SLC7A11: variants seen among roughly 807,000 people sequenced by gnomAD.
The protein encoded by SLC7A11 is cystine/glutamate transporter.
Under a neutral mutation model 54.5 loss-of-function variants are expected in SLC7A11, and 35 were observed. That is an observed-to-expected ratio of 0.64 (90% CI 0.49 to 0.85). The LOEUF (loss-of-function observed/expected upper bound fraction) is 0.85, where lower values mean the gene tolerates loss of function less well. Among genes scored for constraint, SLC7A11 ranks in the 40% least tolerant of loss-of-function variants. SLC7A11 has a pLI of 0.00. For missense variants in SLC7A11, 583 were observed against 618.1 expected (o/e 0.94, Z 0.60); for synonymous variants, 230 against 225.2 (o/e 1.02, Z -0.19).
chr4:138,188,354 C>A (rs1051634140), intron 6 of SLC7A11, among the ~76,000 whole-genome samples: 1 of 152,130 alleles, frequency 6.6e-6, no homozygotes, highest in African/African-American at 2.4e-5. Flanking sequence ...TGAGCCACGA[C>A]GCCCAGCTGA....
In SLC7A11 at chr4:138,183,197, C is replaced by T. The variant is rs1305326368; in HGVS notation, c.1019+5G>A. On this transcript the variant is annotated splice_donor_5th_base_variant and intron_variant, in intron 8 of 11. Coordinates refer to ENST00000280612, the MANE Select transcript of SLC7A11 (RefSeq NM_014331.4). ...GTGTTTCTGGAAATACATGAACTCACTCACCTGGAGACAGCAAACACACCA... is the reference window on the plus strand; with the variant it reads ...GTGTTTCTGGAAATACATGAACTCATTCACCTGGAGACAGCAAACACACCA... 1 of 1,592,920 alleles carries T rather than the reference C, an allele frequency of 6.3e-7. No individual in the cohort carries two copies. Among genetic ancestry groups the T allele is most frequent in the Non-Finnish European group, 8.6e-7 (1 of 1,162,024 alleles).
chr4:138,237,268 T>G (rs55989140), intron 1 of SLC7A11, among the ~76,000 whole-genome samples: 21,556 of 151,996 alleles, frequency 0.14, 1,996 homozygotes, highest in East Asian at 0.42. Flanking sequence ...ATTACAGGTG[T>G]GAGCCACTGT....
At chr4:138,232,487 T>C (rs1738104142) in intron 2 of SLC7A11, 105 bp from the exon 3 acceptor site, 2 of 656,230 alleles carry the variant, frequency 3.0e-6, no homozygotes, top group African/African-American at 1.8e-5. Flanking sequence ...ATGTTAAATA[T>C]GAAAGTCCAT....
chr4:138,195,857 C>T (rs551658666), intron 6 of SLC7A11, among the ~76,000 whole-genome samples: 8 of 152,112 alleles, frequency 5.3e-5, no homozygotes, highest in African/African-American at 9.7e-5. Context: ...GTTGTCAGGA[C>T]GGTTTGTTAT....
intron 11 of SLC7A11, among the ~76,000 whole-genome samples, chr4:138,175,467 C>G (rs1736546161): frequency 6.6e-6 from 1 of 152,076 alleles, no homozygotes; most frequent in Non-Finnish European, 1.5e-5. Context: ...CCAGGTCTTG[C>G]TATCTTTGTG....
chr4:138,216,102 T>G (rs1028872141), intron 5 of SLC7A11, among the ~76,000 whole-genome samples: 1 of 152,170 alleles, frequency 6.6e-6, no homozygotes, highest in Non-Finnish European at 1.5e-5. Context: ...GACCATGATA[T>G]TCTCTTTGGT....
intron 2 of SLC7A11, 48 bp downstream of exon 2, chr4:138,236,277 A>C (rs947064300): frequency 3.3e-6 from 5 of 1,502,954 alleles, no homozygotes; most frequent in Non-Finnish European, 4.5e-6. Context: ...GTGATTCATA[A>C]GAATGAATTG....
chr4:138,198,146 AAAAC>A (rs140298472), intron 6 of SLC7A11, among the ~76,000 whole-genome samples: 6,196 of 151,594 alleles, frequency 0.041, 175 homozygotes, highest in Non-Finnish European at 0.054. Flanking sequence ...GAAACCAGAA[AAAAC>A]AAACAAACAG....
At position 138,238,343 on chromosome 4, in the gene SLC7A11, C is replaced by T. The variant is rs1169634499; in HGVS notation, c.278-1892G>A. Among the ~76,000 whole-genome samples, 62 of 152,016 alleles carry T rather than the reference C, an allele frequency of 4.1e-4. 1 individual carries two copies. Among genetic ancestry groups the T allele is most frequent in the Non-Finnish European group, 4.4e-5 (3 of 67,996 alleles). ...TATACTTATTAATTTGAGTAATTAA[C>T]AAGAAAATTTAAAAAAATCCTGTCA... is the stretch of plus-strand genomic sequence containing the variant. On this transcript the variant is annotated intron_variant, in intron 1 of 11. Coordinates refer to ENST00000280612, the MANE Select transcript of SLC7A11 (RefSeq NM_014331.4).
At position 138,167,282 on chromosome 4, in the gene SLC7A11, G is replaced by C. The variant is rs1326064220; in HGVS notation, c.*4674C>G. ...TTCTCCTGCCTCAGCCTCCCGAGTA[G>C]CTGGGATTACAGGCGCCTGCCACCA... On this transcript the variant is annotated 3_prime_UTR_variant, in exon 12 of 12. Coordinates refer to ENST00000280612, the MANE Select transcript of SLC7A11 (RefSeq NM_014331.4). 1.3e-5 allele frequency: 2 copies of C among 150,946 alleles called. No individual in the cohort carries two copies. The highest frequency in any genetic ancestry group is 4.9e-5 in the African/African-American group (2 of 41,010). 9.4% of individuals were successfully genotyped at this position (150,946 alleles called of 1,614,324 possible).
chr4:138,219,360 T>C lies in SLC7A11; in HGVS notation c.652A>G (p.Thr218Ala), dbSNP rs771563139. Residue 218 changes from threonine to alanine, a missense_variant, in exon 5 of 12, where the codon ACG (threonine) becomes GCG (alanine). By Grantham distance (58) the Thr-to-Ala change is moderately conservative (BLOSUM62 0). Coordinates refer to ENST00000280612, the MANE Select transcript of SLC7A11 (RefSeq NM_014331.4). ...PGVMQLIKGQ[T>A]QNFKDAFSGR... ...GAAAAGGCGTCTTTAAAGTTCTGCG[T>C]TTGACCTGTAATTAGAATAGACTGA... 3 of 1,586,658 alleles carry C rather than the reference T, an allele frequency of 1.9e-6. No individual in the cohort carries two copies. Among genetic ancestry groups the C allele is most frequent in the African/African-American group, 1.3e-5 (1 of 74,504 alleles).
chr4:138,224,654 A>G lies in SLC7A11; in HGVS notation c.521-1330T>C, dbSNP rs554446546. ...CCTAAAGGAAGGCTAATTAAGGTAT[A>G]TCATTTTAATAGTTTATATGCAGCC... On this transcript the variant is annotated intron_variant, in intron 3 of 11. Transcript: ENST00000280612. Among the ~76,000 whole-genome samples the G allele has an allele frequency of 2.0e-5, 3 of 152,288 alleles. 1 individual carries two copies. In the South Asian group the frequency reaches 6.2e-4, roughly 32 times the overall value.
chr4:138,234,307 C>T (rs1347947973), intron 2 of SLC7A11, among the ~76,000 whole-genome samples: 3 of 152,060 alleles, frequency 2.0e-5, no homozygotes, highest in African/African-American at 4.8e-5. Context: ...TTATTTCTGG[C>T]AATACTAACT....
intron 11 of SLC7A11, among the ~76,000 whole-genome samples, chr4:138,178,572 A>G (rs1184061132): frequency 6.6e-6 from 1 of 152,146 alleles, no homozygotes; most frequent in Non-Finnish European, 1.5e-5. Flanking sequence ...TTTTTCCACA[A>G]TGGTTGAACT....
chr4:138,202,555 A>C (rs572280148), intron 6 of SLC7A11, among the ~76,000 whole-genome samples: 151 of 152,146 alleles, frequency 9.9e-4, no homozygotes, highest in Non-Finnish European at 5.0e-4. Context: ...CACTTTTTCT[A>C]AAGTGTCCCT....
In SLC7A11 at chr4:138,241,238, C is replaced by G. The variant is rs757962700; in HGVS notation, c.277+555G>C. ...TGATAGGGATTGAGTTATGCGCCAT[C>G]ATACATCTCTCCCATGTCAAGGACT... is the stretch of plus-strand genomic sequence containing the variant. On this transcript the variant is annotated intron_variant, in intron 1 of 11. Transcript: ENST00000280612. 3.3e-5 allele frequency among the ~76,000 whole-genome samples: 5 copies of G among 152,318 alleles called. 1 individual carries two copies. The Middle Eastern group carries it at 0.01, about 311-fold the overall frequency.
chr4:138,240,870 G>A (rs1169713440), intron 1 of SLC7A11, among the ~76,000 whole-genome samples: 7 of 152,058 alleles, frequency 4.6e-5, no homozygotes, highest in African/African-American at 1.7e-4. Flanking sequence ...AACAAACTCA[G>A]GTAGCTCTCT....
rs1736299675 is a variant in SLC7A11 at position 138,167,548 on chromosome 4, A to G, written c.*4408T>C. ...ATCTATTTTAACATAGATTAAAAATACTGTTTATATGAAAATTAAGCTTAA... is the reference window on the plus strand; with the variant it reads ...ATCTATTTTAACATAGATTAAAAATGCTGTTTATATGAAAATTAAGCTTAA... On this transcript the variant is annotated 3_prime_UTR_variant, in exon 12 of 12. Transcript: ENST00000280612. 1.3e-5 allele frequency: 2 copies of G among 152,202 alleles called. No individual in the cohort carries two copies. Among genetic ancestry groups the G allele is most frequent in the African/African-American group, 4.8e-5 (2 of 41,456 alleles). 9.4% of individuals were successfully genotyped at this position (152,202 alleles called of 1,614,324 possible).
In SLC7A11 at chr4:138,168,354, AT is replaced by A. The variant is rs1736321688; in HGVS notation, c.*3601del. On this transcript the variant is annotated 3_prime_UTR_variant, in exon 12 of 12. Transcript: ENST00000280612. Reference sequence around the variant, plus strand: ...AATATTGTTACCTTCAGTCCATACTATCTTTCATTTCCTGATTCTCTGGCCT... The same window carrying A: ...AATATTGTTACCTTCAGTCCATACTACTTTCATTTCCTGATTCTCTGGCCT... 6.6e-6 allele frequency: 1 copy of A among 152,190 alleles called. No individual in the cohort carries two copies. Among genetic ancestry groups the A allele is most frequent in the South Asian group, 2.1e-4 (1 of 4,830 alleles). The allele number at this position is 152,190 out of a possible 1,614,324, so 9.4% of individuals were successfully genotyped here. A position where few individuals can be genotyped will look rare whatever the true frequency, so the allele number is the denominator to read the frequency against.
Sources: allele counts gnomAD v4.1 joint callset (sites outside exome capture counted in the v4.1 genomes callset), GRCh38; gene constraint gnomAD v4.1.1; transcripts MANE v1.5; gene names NCBI Gene and HGNC (gene_info 2026-07-23, HGNC 2026-07-21).